The following PCDHGB7 variants were observed in gnomAD, a reference collection of about 807,000 sequenced individuals.
PCDHGB7 encodes the protein protocadherin gamma-B7.
A neutral mutation model predicts 61.4 loss-of-function variants in PCDHGB7; 37 were observed. That is an observed-to-expected ratio of 0.60 (90% CI 0.46 to 0.79). PCDHGB7 has a LOEUF of 0.79. Among genes scored for constraint, PCDHGB7 ranks in the 30% least tolerant of loss-of-function variants. The probability of loss-of-function intolerance (pLI) is 0.00; values close to 1 mark genes in which losing one functional copy is unlikely to be tolerated. For missense variants in PCDHGB7, 1,166 were observed against 1,202.5 expected (o/e 0.97, Z 0.45); for synonymous variants, 464 against 503.5 (o/e 0.92, Z 1.05).
chr5:141,486,644 T>G lies in PCDHGB7; in HGVS notation c.2416-8163T>G, dbSNP rs765487821. ...AGACTCTGGCTTGAATGCGCTTATC[T>G]CCTACTCACTCCTGGAGCCCAGGAA... On this transcript the variant is annotated intron_variant, in intron 1 of 3. Transcript: ENST00000398594. This position sits in a 1 kb window ranked among gnomAD's most constrained non-coding sequence, Gnocchi z 5.0. 9.3e-6 allele frequency: 15 copies of G among 1,613,722 alleles called. 2 individuals carry two copies. The Middle Eastern group carries it at 6.6e-4, about 71-fold the overall frequency.
At position 141,487,025 on chromosome 5, in the gene PCDHGB7, C is replaced by T. The variant is rs769789352; in HGVS notation, c.2416-7782C>T. On this transcript the variant is annotated intron_variant, in intron 1 of 3. Transcript: ENST00000398594. This position sits in a 1 kb window ranked among gnomAD's most constrained non-coding sequence, Gnocchi z 5.0. ...GCTCCTGGAGGCCCCAGATCCCAGCCTGTTTGCAGTCTCTCGATATGCTGG... is the reference window on the plus strand; with the variant it reads ...GCTCCTGGAGGCCCCAGATCCCAGCTTGTTTGCAGTCTCTCGATATGCTGG... 1.9e-6 allele frequency: 3 copies of T among 1,614,216 alleles called. No homozygotes were observed. Among genetic ancestry groups the T allele is most frequent in the Non-Finnish European group, 2.5e-6 (3 of 1,180,050 alleles).
Position 141,476,102 on chromosome 5 carries a change from C to G in PCDHGB7, c.2416-18705C>G, listed in dbSNP as rs1488747783. The G allele has an allele frequency of 1.3e-6, 2 of 1,576,940 alleles. No homozygotes were observed. Among genetic ancestry groups the G allele is most frequent in the African/African-American group, 2.7e-5 (2 of 73,926 alleles). ...ACGATCTGGACCCCGCTGAGAGGAA[C>G]TGCTTTTGAGTGAGATGGTCCCAGA... On this transcript the variant is annotated intron_variant, in intron 1 of 3. Transcript: ENST00000398594. The surrounding 1 kb of genome is among the most constrained non-coding windows in gnomAD (Gnocchi z 7.6).
At chr5:141,433,837 C>CAAAA (rs56191208) in intron 1 of PCDHGB7, among the ~76,000 whole-genome samples, 6 of 111,700 alleles carry the variant, frequency 5.4e-5, no homozygotes, top group African/African-American at 1.9e-4. Flanking sequence ...AACTCTATCT[C>CAAAA]AAAAAAAAAA....
intron 1 of PCDHGB7, 114 bp downstream of exon 1, chr5:141,420,388 A>G (rs986892784): frequency 3.1e-6 from 4 of 1,282,144 alleles, no homozygotes; most frequent in Non-Finnish European, 4.1e-6. Context: ...TTCGCAAAAT[A>G]TAGGTCAAAT....
intron 1 of PCDHGB7, chr5:141,423,607 A>T (rs777606404): frequency 6.2e-7 from 1 of 1,612,176 alleles, no homozygotes; most frequent in Admixed American, 1.7e-5. Flanking sequence ...GCCACTCTTG[A>T]TAGCTGAAGA....
At chr5:141,421,960 C>G in intron 1 of PCDHGB7, 3 of 1,612,526 alleles carry the variant, frequency 1.9e-6, no homozygotes, top group Non-Finnish European at 2.5e-6. Context: ...AATGTTTACA[C>G]AGTCCGTATA....
chr5:141,510,272 TA>T (rs546154379), intron 3 of PCDHGB7, among the ~76,000 whole-genome samples: 4,704 of 130,308 alleles, frequency 0.036, 80 homozygotes, highest in South Asian at 0.057. Flanking sequence ...GACTCCATCT[TA>T]AAAAAAAAAA....
Position 141,490,810 on chromosome 5 carries a change from T to C in PCDHGB7, c.2416-3997T>C, listed in dbSNP as rs2099704652. On this transcript the variant is annotated intron_variant, in intron 1 of 3. Transcript: ENST00000398594. This position sits in a 1 kb window ranked among gnomAD's most constrained non-coding sequence, Gnocchi z 5.4. ...GATCTTTGCCCAGCGTACCTTTGAC[T>C]ATGAATTGCTGCAGATGCTGCAGAT... 1 of 1,613,936 alleles carries C rather than the reference T, an allele frequency of 6.2e-7. No individual in the cohort carries two copies. Among genetic ancestry groups the C allele is most frequent in the Non-Finnish European group, 8.5e-7 (1 of 1,179,884 alleles).
At chr5:141,452,858 T>C (rs904455495) in intron 1 of PCDHGB7, among the ~76,000 whole-genome samples, 1 of 152,202 alleles carries the variant, frequency 6.6e-6, no homozygotes. Flanking sequence ...GGGGAGATGA[T>C]TTTCTAACTC....
At position 141,477,023 on chromosome 5, in the gene PCDHGB7, A is replaced by T. The variant is rs763926460; in HGVS notation, c.2416-17784A>T. ...ATTCGCCTTAGACCTTGTAACCGGG[A>T]TGCTGACAATCAAGGGTCGGCTGGA... is the stretch of plus-strand genomic sequence containing the variant. On this transcript the variant is annotated intron_variant, in intron 1 of 3. Transcript: ENST00000398594. The surrounding 1 kb of genome is among the most constrained non-coding windows in gnomAD (Gnocchi z 4.9). 6.2e-7 allele frequency: 1 copy of T among 1,614,240 alleles called. No homozygotes were observed. The highest frequency in any genetic ancestry group is 8.5e-7 in the Non-Finnish European group (1 of 1,180,040).
At chr5:141,501,290 T>TACACACACAC (rs55762287) in intron 2 of PCDHGB7, among the ~76,000 whole-genome samples, 12 of 136,162 alleles carry the variant, frequency 8.8e-5, no homozygotes, top group Admixed American at 4.7e-4. Context: ...TATTCCCTTA[T>TACACACACAC]ACACACACAC....
intron 1 of PCDHGB7, among the ~76,000 whole-genome samples, chr5:141,472,718 G>A (rs980710833): frequency 1.3e-5 from 2 of 152,002 alleles, no homozygotes; most frequent in Non-Finnish European, 2.9e-5. Context: ...AGGCGCTGTG[G>A]CTCACACCTG....
chr5:141,509,621 C>T (rs1179988828), intron 3 of PCDHGB7, among the ~76,000 whole-genome samples: 1 of 152,178 alleles, frequency 6.6e-6, no homozygotes, highest in African/African-American at 2.4e-5. Flanking sequence ...AAACAAGTTC[C>T]TGGGTGATGC....
In PCDHGB7 at chr5:141,489,597, A is replaced by G; in HGVS notation, c.2416-5210A>G. 6.2e-7 allele frequency: 1 copy of G among 1,614,100 alleles called. No individual in the cohort carries two copies. The highest frequency in any genetic ancestry group is 1.3e-5 in the African/African-American group (1 of 75,040). ...AACACCCCCTGGAGCTAATCCGTGTAGAGGTAGAGATCCTGGATCTCAATG... is the reference window on the plus strand; with the variant it reads ...AACACCCCCTGGAGCTAATCCGTGTGGAGGTAGAGATCCTGGATCTCAATG... On this transcript the variant is annotated intron_variant, in intron 1 of 3. Transcript: ENST00000398594. The surrounding 1 kb of genome is among the most constrained non-coding windows in gnomAD (Gnocchi z 4.5).
chr5:141,505,270 G>C, intron 2 of PCDHGB7, 123 bp from the exon 3 acceptor site: 1 of 1,520,726 alleles, frequency 6.6e-7, no homozygotes, highest in African/African-American at 1.4e-5. Context: ...CTTGCTGAGA[G>C]AAACAGGTCT....
chr5:141,499,233 C>A (rs1047984757), intron 2 of PCDHGB7, among the ~76,000 whole-genome samples: 2 of 152,116 alleles, frequency 1.3e-5, no homozygotes, highest in Non-Finnish European at 2.9e-5. Context: ...CAGCTGTCCC[C>A]AGCCTCTGCA....
chr5:141,450,663 T>C (rs957466690), intron 1 of PCDHGB7, among the ~76,000 whole-genome samples: 1 of 151,652 alleles, frequency 6.6e-6, no homozygotes, highest in Non-Finnish European at 1.5e-5. Flanking sequence ...ATTTTTGTAC[T>C]TTTAGTAGAA....
rs1431906047 is a variant in PCDHGB7, at chr5:141,485,858, C to T, written c.2416-8949C>T. On this transcript the variant is annotated intron_variant, in intron 1 of 3. Transcript: ENST00000398594. This position sits in a 1 kb window ranked among gnomAD's most constrained non-coding sequence, Gnocchi z 5.7. ...GCCGAGATCTGGCACCGCAGAGCTC[C>T]GGGTATCCGTGCTGGACGTAAACGA... The T allele has an allele frequency of 1.9e-6, 3 of 1,614,162 alleles. No individual in the cohort carries two copies. The highest frequency in any genetic ancestry group is 2.5e-6 in the Non-Finnish European group (3 of 1,180,028).
In PCDHGB7 at chr5:141,431,469, A is replaced by G; in HGVS notation, c.2415+11195A>G. 1.9e-6 allele frequency: 3 copies of G among 1,613,824 alleles called. No individual in the cohort carries two copies. Among genetic ancestry groups the G allele is most frequent in the Non-Finnish European group, 2.5e-6 (3 of 1,179,968 alleles). ...CGCGTGATGGTTCTGGATGCGAACG[A>G]CAACGCACCAGCGTTTGCTCAGCCC... is the stretch of plus-strand genomic sequence containing the variant. On this transcript the variant is annotated intron_variant, in intron 1 of 3. Coordinates refer to ENST00000398594, the MANE Select transcript of PCDHGB7 (RefSeq NM_018927.4). This position sits in a 1 kb window ranked among gnomAD's most constrained non-coding sequence, Gnocchi z 4.8.
Sources: gnomAD v4.1 joint callset for allele counts (sites outside exome capture counted in the v4.1 genomes callset) on GRCh38, gnomAD v4.1.1 for gene constraint, Gnocchi (gnomAD v3.1) non-coding constraint, MANE v1.5 for transcripts, NCBI Gene and HGNC (gene_info 2026-07-23, HGNC 2026-07-21) for gene names.